The following CHST9 variants were observed in gnomAD, a reference collection of about 807,000 sequenced individuals.
The protein encoded by CHST9 is carbohydrate sulfotransferase 9.
Under a neutral mutation model 44.4 loss-of-function variants are expected in CHST9, and 41 were observed. The ratio of observed to expected loss-of-function variants is 0.92; its 90% CI spans 0.72 to 1.20. The LOEUF is 1.20. Ranked by LOEUF, CHST9 falls within the 50% of genes most tolerant of loss-of-function variation. CHST9 has a pLI of 0.00. For synonymous variants in CHST9, 171 were observed against 178.4 expected (o/e 0.96, Z 0.33); for missense variants, 504 against 516.5 (o/e 0.98, Z 0.23).
At chr18:27,141,673 C>A in intron 2 of CHST9, among the ~76,000 whole-genome samples, 1 of 135,872 alleles carries the variant, frequency 7.4e-6, no homozygotes, top group African/African-American at 2.8e-5. Flanking sequence ...TAAAAATAAT[C>A]ATAGTTGTAA....
intron 4 of CHST9, among the ~76,000 whole-genome samples, chr18:26,972,225 C>T (rs2056555080): frequency 6.6e-6 from 1 of 151,786 alleles, no homozygotes; most frequent in Admixed American, 6.6e-5. Flanking sequence ...GGCGTGATAG[C>T]ACGGGCCTGT....
At position 26,921,007 on chromosome 18, in the gene CHST9, A is replaced by G. The variant is rs74871585; in HGVS notation, c.241-3657T>C. ...TGTAAGGCCCCTGACTTTAATTTCA[A>G]CAAGATCCCCAGGTACTCCAGTGGC... On this transcript the variant is annotated intron_variant, in intron 5 of 5. Coordinates refer to ENST00000618847, the MANE Select transcript of CHST9 (RefSeq NM_031422.6). Among the ~76,000 whole-genome samples the G allele has an allele frequency of 5.9e-3, 906 of 152,306 alleles. 9 individuals are homozygous for G. Among genetic ancestry groups the G allele is most frequent in the African/African-American group, 0.02 (826 of 41,572 alleles).
In CHST9 at chr18:26,938,763, A is replaced by C. The variant is rs551563340; in HGVS notation, c.240+5566T>G. 1.1e-4 allele frequency among the ~76,000 whole-genome samples: 16 copies of C among 152,298 alleles called. 1 individual carries two copies. Among genetic ancestry groups the C allele is most frequent in the African/African-American group, 3.4e-4 (14 of 41,564 alleles). Reference sequence around the variant, plus strand: ...AAGATCTGGATCTCCCTGCCCTTCAATTCTTTCATTTCCTGACTGTGTGAC... The same window carrying C: ...AAGATCTGGATCTCCCTGCCCTTCACTTCTTTCATTTCCTGACTGTGTGAC... On this transcript the variant is annotated intron_variant, in intron 5 of 5. Coordinates refer to ENST00000618847, the MANE Select transcript of CHST9 (RefSeq NM_031422.6).
chr18:26,944,422 C>A, intron 4 of CHST9, 56 bp from the exon 5 acceptor site: 1 of 1,232,724 alleles, frequency 8.1e-7, no homozygotes, highest in Non-Finnish European at 1.2e-6. Flanking sequence ...GAATAAAATG[C>A]GGTACTGATG....
intron 1 of CHST9, among the ~76,000 whole-genome samples, chr18:27,167,638 A>G (rs940581520): frequency 1.3e-5 from 2 of 152,272 alleles, no homozygotes; most frequent in African/African-American, 4.8e-5. Context: ...GAGAAAAGAA[A>G]GAAGTTACAA....
At chr18:26,947,709 C>G (rs903839979) in intron 4 of CHST9, among the ~76,000 whole-genome samples, 23 of 152,180 alleles carry the variant, frequency 1.5e-4, no homozygotes, top group Non-Finnish European at 8.8e-5. Flanking sequence ...TAACATCTCA[C>G]ACCAGTTAGA....
intron 1 of CHST9, among the ~76,000 whole-genome samples, chr18:27,178,472 A>G (rs938086119): frequency 6.6e-6 from 1 of 152,052 alleles, no homozygotes; most frequent in Non-Finnish European, 1.5e-5. Context: ...CACTCAAATT[A>G]CATTTCATAT....
chr18:26,923,152 A>G (rs2055694540), intron 5 of CHST9, among the ~76,000 whole-genome samples: 1 of 152,184 alleles, frequency 6.6e-6, no homozygotes, highest in Non-Finnish European at 1.5e-5. Flanking sequence ...CATAGGGAAA[A>G]GTATATTAAG....
chr18:27,155,788 G>C (rs554058003), intron 1 of CHST9, among the ~76,000 whole-genome samples: 12 of 151,970 alleles, frequency 7.9e-5, no homozygotes, highest in African/African-American at 2.9e-4. Flanking sequence ...GTAAATCCAG[G>C]GCTCAGAAAT....
chr18:27,094,992 C>A (rs9962767), intron 2 of CHST9, among the ~76,000 whole-genome samples: 5,701 of 152,250 alleles, frequency 0.037, 335 homozygotes, highest in African/African-American at 0.13. Context: ...ACTATCCACA[C>A]TCTATCCACT....
intron 4 of CHST9, among the ~76,000 whole-genome samples, chr18:26,975,725 GTATATA>G (rs59671204): frequency 0.073 from 7,411 of 101,638 alleles, 320 homozygotes; most frequent in Non-Finnish European, 0.088. Context: ...GTGTGTGTGT[GTATATA>G]TATATATATA....
chr18:27,130,843 G>T, intron 2 of CHST9, among the ~76,000 whole-genome samples: 1 of 152,112 alleles, frequency 6.6e-6, no homozygotes, highest in East Asian at 1.9e-4. Context: ...AAAGCAAGTT[G>T]CCAAAGGGTA....
intron 2 of CHST9, among the ~76,000 whole-genome samples, chr18:27,087,861 G>T (rs762733434): frequency 3.3e-5 from 5 of 151,370 alleles, no homozygotes; most frequent in Non-Finnish European, 5.9e-5. Context: ...CCGTACACTT[G>T]TTGGTCCTAG....
intron 2 of CHST9, among the ~76,000 whole-genome samples, chr18:27,060,871 C>T (rs2057713756): frequency 6.6e-6 from 1 of 152,236 alleles, no homozygotes; most frequent in African/African-American, 2.4e-5. Context: ...AAGCAATCTT[C>T]CTGCCTCAGC....
intron 4 of CHST9, among the ~76,000 whole-genome samples, chr18:26,980,740 T>TG (rs2056682253): frequency 6.6e-6 from 1 of 152,040 alleles, no homozygotes; most frequent in Admixed American, 6.6e-5. Flanking sequence ...ACACTTTTCT[T>TG]GGGGAAAAAA....
intron 4 of CHST9, among the ~76,000 whole-genome samples, chr18:26,959,396 T>C (rs1192910492): frequency 6.6e-6 from 1 of 152,168 alleles, no homozygotes; most frequent in Non-Finnish European, 1.5e-5. Context: ...ATGGGATCAA[T>C]GGTATCCCAA....
chr18:26,930,028 G>A (rs1238193935), intron 5 of CHST9, among the ~76,000 whole-genome samples: 1 of 152,170 alleles, frequency 6.6e-6, no homozygotes, highest in Non-Finnish European at 1.5e-5. Flanking sequence ...ACTGGATTAA[G>A]CATCTACTGG....
At chr18:27,147,310 G>A (rs1189417324) in intron 1 of CHST9, among the ~76,000 whole-genome samples, 5 of 151,934 alleles carry the variant, frequency 3.3e-5, no homozygotes, top group East Asian at 3.9e-4. Flanking sequence ...CAGGTGATCC[G>A]CCTGCCTCGG....
chr18:27,180,329 T>TA (rs1364832397), intron 1 of CHST9, among the ~76,000 whole-genome samples: 1 of 152,190 alleles, frequency 6.6e-6, no homozygotes, highest in Non-Finnish European at 1.5e-5. Context: ...ACTTTTATTT[T>TA]ATTAGTTTTT....
Sources: gnomAD v4.1 joint callset for allele counts (sites outside exome capture counted in the v4.1 genomes callset) on GRCh38, gnomAD v4.1.1 for gene constraint, MANE v1.5 for transcripts, NCBI Gene and HGNC (gene_info 2026-07-23, HGNC 2026-07-21) for gene names.